ZNF385D: variants seen among roughly 807,000 people sequenced by gnomAD.
The protein encoded by ZNF385D is zinc finger protein 659.
In ZNF385D, 15 loss-of-function variants were observed where a neutral mutation model predicts 35.8. That is an observed-to-expected ratio of 0.42 (90% confidence interval 0.28 to 0.64). The LOEUF is 0.64. Ranked by LOEUF, ZNF385D falls within the 30% of genes least tolerant of loss-of-function variation. The pLI, the probability that ZNF385D is intolerant of heterozygous loss-of-function variation, is 0.23. For synonymous variants in ZNF385D, 212 were observed against 186.8 expected (o/e 1.13, Z -1.10); for missense variants, 474 against 494.6 (o/e 0.96, Z 0.39).
At chr3:22,110,579 A>T (rs1323171696) in intron 3 of ZNF385D, among the ~76,000 whole-genome samples, 6 of 151,104 alleles carry the variant, frequency 4.0e-5, no homozygotes, top group African/African-American at 1.5e-4. Flanking sequence ...ATAGATGGGA[A>T]TTGAACAATG....
chr3:22,098,038 A>C (rs984250738), intron 3 of ZNF385D, among the ~76,000 whole-genome samples: 2 of 152,076 alleles, frequency 1.3e-5, no homozygotes, highest in African/African-American at 4.8e-5. Context: ...CTCACAGGCT[A>C]GGGAAATACC....
intron 3 of ZNF385D, among the ~76,000 whole-genome samples, chr3:21,946,687 C>T (rs1350332633): frequency 6.6e-6 from 1 of 152,008 alleles, no homozygotes; most frequent in Non-Finnish European, 1.5e-5. Context: ...CAAATATTAG[C>T]CAGGTGTGGT....
chr3:22,035,986 A>G (rs1480595461), intron 3 of ZNF385D, among the ~76,000 whole-genome samples: 1 of 152,162 alleles, frequency 6.6e-6, no homozygotes, highest in African/African-American at 2.4e-5. Flanking sequence ...GAAATGGAAA[A>G]TGAAGAGTCA....
At chr3:22,072,336 G>A (rs914632602) in intron 3 of ZNF385D, among the ~76,000 whole-genome samples, 4 of 96,820 alleles carry the variant, frequency 4.1e-5, no homozygotes, top group African/African-American at 7.0e-5. Flanking sequence ...ATTTGTGAAC[G>A]GAAAAATAAA....
chr3:22,072,102 G>T (rs1429623655), intron 3 of ZNF385D, among the ~76,000 whole-genome samples: 1 of 152,042 alleles, frequency 6.6e-6, no homozygotes, highest in South Asian at 2.1e-4. Context: ...TAACTATGAT[G>T]AAATTAGGCA....
rs35276805 is a variant in ZNF385D at position 21,512,145 on chromosome 3, C to CAAAAA, written c.277-1127_277-1123dup. Among the ~76,000 whole-genome samples the CAAAAA allele has an allele frequency of 3.0e-3, 272 of 90,152 alleles. 1 individual carries two copies. The highest frequency in any genetic ancestry group is 4.4e-3 in the Non-Finnish European group (212 of 47,972). The allele number at this position is 90,152 out of a possible 152,430, so 59.1% of individuals were successfully genotyped here. A position where few individuals can be genotyped will look rare whatever the true frequency, so the allele number is the denominator to read the frequency against. ...CTGGTGACAGAGCGAGACTCCATCT[C>CAAAAA]AAAAAAAAAAAAAAAAAAAGAAGTA... On this transcript the variant is annotated intron_variant, in intron 3 of 7. Coordinates refer to ENST00000281523, the MANE Select transcript of ZNF385D (RefSeq NM_024697.3).
chr3:21,869,931 T>C (rs1246665567), intron 3 of ZNF385D, among the ~76,000 whole-genome samples: 2 of 152,064 alleles, frequency 1.3e-5, no homozygotes, highest in Non-Finnish European at 2.9e-5. Context: ...ACTGGTAAGA[T>C]TAAAATTGAT....
chr3:22,025,167 C>T (rs1697461176), intron 3 of ZNF385D, among the ~76,000 whole-genome samples: 1 of 152,126 alleles, frequency 6.6e-6, no homozygotes, highest in Non-Finnish European at 1.5e-5. Flanking sequence ...GCTTCCCCAT[C>T]CCCAGTAGTG....
intron 3 of ZNF385D, among the ~76,000 whole-genome samples, chr3:21,525,352 G>A (rs550545368): frequency 5.3e-5 from 8 of 151,948 alleles, no homozygotes; most frequent in South Asian, 4.2e-4. Context: ...GGCATTTGCC[G>A]TTAGCACTGA....
intron 1 of ZNF385D, among the ~76,000 whole-genome samples, chr3:21,716,285 T>A (rs1575519936): frequency 6.6e-6 from 1 of 152,186 alleles, no homozygotes; most frequent in African/African-American, 2.4e-5. Context: ...TTTTCATTTA[T>A]TCCTCAGAAA....
At chr3:21,761,923 G>C (rs1195049747) in intron 3 of ZNF385D, among the ~76,000 whole-genome samples, 1 of 119,452 alleles carries the variant, frequency 8.4e-6, no homozygotes, top group Admixed American at 1.2e-4. Flanking sequence ...TCTGTCACCA[G>C]GTTGGAGTGC....
intron 2 of ZNF385D, among the ~76,000 whole-genome samples, chr3:22,210,598 T>C (rs530344870): frequency 1.3e-5 from 2 of 152,020 alleles, no homozygotes; most frequent in South Asian, 2.1e-4. Flanking sequence ...TAAAAATGGA[T>C]ATAGATAAAT....
intron 1 of ZNF385D, among the ~76,000 whole-genome samples, chr3:21,739,154 G>C (rs1196786430): frequency 1.3e-5 from 2 of 152,224 alleles, no homozygotes; most frequent in African/African-American, 2.4e-5. Context: ...ATCCAACTGA[G>C]CAAGGGGAAG....
intron 2 of ZNF385D, among the ~76,000 whole-genome samples, chr3:21,658,119 T>C (rs1425482869): frequency 6.6e-6 from 1 of 152,050 alleles, no homozygotes; most frequent in East Asian, 1.9e-4. Flanking sequence ...ATAATCTCTA[T>C]ATGTTAAGCA....
intron 3 of ZNF385D, among the ~76,000 whole-genome samples, chr3:21,981,249 T>A (rs1694428481): frequency 6.6e-6 from 1 of 152,180 alleles, no homozygotes; most frequent in African/African-American, 2.4e-5. Flanking sequence ...CACTTTTTAA[T>A]AAAAGCTATT....
chr3:22,186,328 T>A (rs1281528920), intron 2 of ZNF385D, among the ~76,000 whole-genome samples: 3 of 151,990 alleles, frequency 2.0e-5, no homozygotes, highest in Non-Finnish European at 2.9e-5. Flanking sequence ...AATAAACACA[T>A]CCAGAGACAT....
At chr3:21,542,633 C>G (rs1159011662) in intron 3 of ZNF385D, among the ~76,000 whole-genome samples, 2 of 152,064 alleles carry the variant, frequency 1.3e-5, no homozygotes, top group African/African-American at 2.4e-5. Flanking sequence ...CAGGTGTGTG[C>G]CACTGAAACA....
chr3:21,918,360 T>A (rs1700295573), intron 3 of ZNF385D, among the ~76,000 whole-genome samples: 1 of 152,158 alleles, frequency 6.6e-6, no homozygotes, highest in Non-Finnish European at 1.5e-5. Context: ...CACTTTAAAG[T>A]GGAAGAAGTT....
intron 3 of ZNF385D, among the ~76,000 whole-genome samples, chr3:22,073,437 G>A (rs1700321976): frequency 6.6e-6 from 1 of 151,658 alleles, no homozygotes; most frequent in Admixed American, 6.6e-5. Context: ...TTCCTTAGGG[G>A]AAAAGAACTT....
Sources: allele counts gnomAD v4.1 joint callset (sites outside exome capture counted in the v4.1 genomes callset), GRCh38; gene constraint gnomAD v4.1.1; transcripts MANE v1.5; gene names NCBI Gene and HGNC (gene_info 2026-07-23, HGNC 2026-07-21).